The following SARAF variants were observed in gnomAD, a reference collection of about 807,000 sequenced individuals.
SARAF encodes the protein store-operated calcium entry-associated regulatory factor.
Under a neutral mutation model 39.7 loss-of-function variants are expected in SARAF, and 23 were observed. The observed-to-expected ratio is 0.58, with a 90% CI of 0.42 to 0.82. The LOEUF (loss-of-function observed/expected upper bound fraction) is 0.82, where lower values mean the gene tolerates loss of function less well. SARAF is among the 40% of genes least tolerant of loss of function. SARAF has a pLI of 0.00. For missense variants in SARAF, 384 were observed against 418.5 expected, an observed-to-expected ratio of 0.92 and a Z score of 0.72; for synonymous variants, 175 against 168.5, an observed-to-expected ratio of 1.04 and a Z score of -0.30.
At chr8:30,077,237 C>T (rs969563009) in intron 1 of SARAF, among the ~76,000 whole-genome samples, 2 of 152,038 alleles carry the variant, frequency 1.3e-5, no homozygotes, top group African/African-American at 4.8e-5. Flanking sequence ...AAGCAGATCA[C>T]TTGAGCCCAA....
chr8:30,074,829 A>ACAC (rs1801922225), intron 1 of SARAF, among the ~76,000 whole-genome samples: 1 of 152,124 alleles, frequency 6.6e-6, no homozygotes. Flanking sequence ...CTGGGTGATG[A>ACAC]CTATGTGTAG....
chr8:30,075,913 T>A (rs559993962), intron 1 of SARAF, among the ~76,000 whole-genome samples: 10 of 135,984 alleles, frequency 7.4e-5, no homozygotes, highest in African/African-American at 2.5e-4. Context: ...TAGACCTAAG[T>A]GAAAGACAAA....
rs1801917202 is a variant in SARAF at position 30,074,612 on chromosome 8, C to A, written c.104-557G>T. Among the ~76,000 whole-genome samples, 5 of 152,012 alleles carry A rather than the reference C, an allele frequency of 3.3e-5. No individual in the cohort carries two copies. The South Asian group carries it at 1.0e-3, about 31-fold the overall frequency. On this transcript the variant is annotated intron_variant, in intron 1 of 5. Coordinates refer to ENST00000256255, the MANE Select transcript of SARAF (RefSeq NM_016127.6). Reference sequence around the variant, plus strand: ...GCTTTACATAAACCTTTAAAAAAGGCAAAACAGTACTACATACTGTTAATG... The same window carrying A: ...GCTTTACATAAACCTTTAAAAAAGGAAAAACAGTACTACATACTGTTAATG...
At chr8:30,076,189 G>C (rs1801962535) in intron 1 of SARAF, among the ~76,000 whole-genome samples, 1 of 152,008 alleles carries the variant, frequency 6.6e-6, no homozygotes, top group South Asian at 2.1e-4. Context: ...AAACTGAAGG[G>C]ATTTGCATTG....
chr8:30,069,597 A>T, intron 3 of SARAF, 45 bp downstream of exon 3: 1 of 1,528,318 alleles, frequency 6.5e-7, no homozygotes. Flanking sequence ...AGGATGCACT[A>T]ACCTCACACC....
chr8:30,071,119 T>C (rs1801831227), intron 2 of SARAF, among the ~76,000 whole-genome samples: 1 of 152,300 alleles, frequency 6.6e-6, no homozygotes, highest in Admixed American at 6.5e-5. Flanking sequence ...GGTGGGCGGA[T>C]CACCTGAGGT....
In SARAF at chr8:30,066,110, TACC is replaced by T. The variant is rs777685507; in HGVS notation, c.869_871del (p.Trp290del). On this transcript the variant is annotated inframe_deletion, in exon 5 of 6. Transcript: ENST00000256255. ...GTAGGAGGGAGGATAGGACGGGTAG[TACC>T]ACGAGTCTGAGAAGGGTGTTGCCGC... is the stretch of plus-strand genomic sequence containing the variant. 3.5e-5 allele frequency: 57 copies of T among 1,614,024 alleles called. No individual in the cohort carries two copies. The highest frequency in any genetic ancestry group is 4.7e-5 in the Non-Finnish European group (55 of 1,180,018).
intron 1 of SARAF, among the ~76,000 whole-genome samples, chr8:30,075,611 C>T (rs117103434): frequency 0.013 from 2,028 of 152,252 alleles, 48 homozygotes; most frequent in East Asian, 0.074. Flanking sequence ...CATGAGTTTT[C>T]AAACTGATAG....
intron 3 of SARAF, among the ~76,000 whole-genome samples, chr8:30,068,983 G>A (rs916614045): frequency 6.6e-6 from 1 of 151,476 alleles, no homozygotes; most frequent in Non-Finnish European, 1.5e-5. Flanking sequence ...GTTTTATTCT[G>A]GAAACTTAAT....
At chr8:30,079,137 G>C (rs542245193) in intron 1 of SARAF, among the ~76,000 whole-genome samples, 1 of 123,508 alleles carries the variant, frequency 8.1e-6, no homozygotes, top group Non-Finnish European at 1.6e-5. Context: ...CAGCCTGGGC[G>C]ACAAGAGTGA....
intron 1 of SARAF, among the ~76,000 whole-genome samples, chr8:30,077,124 G>A (rs1429991767): frequency 6.6e-6 from 1 of 152,156 alleles, no homozygotes; most frequent in Non-Finnish European, 1.5e-5. Flanking sequence ...GAAAAAACAA[G>A]AGCTTTTGGA....
In SARAF at chr8:30,069,985, G is replaced by A. The variant is rs11538823; in HGVS notation, c.357C>T (p.Ser119=). The part of the protein sequence containing the change: ...KTVVSCEGYE[S]SEDQYVLRGS... ...CTCTTAGTACATACTGGTCTTCAGA[G>A]GACTCATAGCCTTCACAGCTCACCA... The change falls in exon 3 of 6, where the codon TCC becomes TCT. Residue 119 remains serine (S), a synonymous_variant. Transcript: ENST00000256255. The A allele has an allele frequency of 9.3e-6, 15 of 1,613,978 alleles. No individual in the cohort carries two copies. The highest frequency in any genetic ancestry group is 1.3e-5 in the Non-Finnish European group (15 of 1,180,032).
At chr8:30,065,099 C>A (rs1020378770) in intron 5 of SARAF, among the ~76,000 whole-genome samples, 1 of 152,178 alleles carries the variant, frequency 6.6e-6, no homozygotes, top group Non-Finnish European at 1.5e-5. Context: ...CAGTAACCCA[C>A]TGCAATACAG....
chr8:30,069,445 G>C (rs1801777483), intron 3 of SARAF, among the ~76,000 whole-genome samples, 197 bp downstream of exon 3: 1 of 151,972 alleles, frequency 6.6e-6, no homozygotes, highest in Admixed American at 6.6e-5. Context: ...CGGCCAATCA[G>C]GCATTAACAT....
chr8:30,079,520 A>G lies in SARAF; in HGVS notation c.103+3327T>C, dbSNP rs533369342. Among the ~76,000 whole-genome samples, 45 of 152,358 alleles carry G rather than the reference A, an allele frequency of 3.0e-4. No homozygotes were observed. In the South Asian group the frequency reaches 9.3e-3, roughly 32 times the overall value. On this transcript the variant is annotated intron_variant, in intron 1 of 5. Coordinates refer to ENST00000256255, the MANE Select transcript of SARAF (RefSeq NM_016127.6). The stretch of plus-strand genomic sequence containing the variant: ...ACAATGAAAATGTTCAATGGTTTAG[A>G]AAAATCAGACTGTATTAATCAACTA...
At position 30,070,043 on chromosome 8, in the gene SARAF, T is replaced by C. The variant is rs1350413185; in HGVS notation, c.299A>G (p.Asp100Gly). 2 of 1,608,018 alleles carry C rather than the reference T, an allele frequency of 1.2e-6. No homozygotes were observed. The highest frequency in any genetic ancestry group is 1.7e-5 in the Admixed American group (1 of 58,736). The change falls in exon 3 of 6, where the codon GAC (aspartate) becomes GGC (glycine). Residue 100 changes from aspartate (D) to glycine (G), a missense_variant. Asp to Gly is a moderately conservative substitution (Grantham distance 94, BLOSUM62 -1). Transcript: ENST00000256255. ...GYDVQWECKT[D>G]LDIAYKFGKT... is the part of the protein sequence containing the mutation. The stretch of plus-strand genomic sequence containing the variant: ...TCCAAATTTGTATGCAATATCTAAG[T>C]CCGTCTTACATTCCCACTGTGAAGA...
rs1802132494 is a variant in SARAF, at chr8:30,082,637, C to T, written c.103+210G>A. On this transcript the variant is annotated intron_variant, in intron 1 of 5. Coordinates refer to ENST00000256255, the MANE Select transcript of SARAF (RefSeq NM_016127.6). ...TTAAGGATCTCCAGCCGTCCCGCCC[C>T]GCCCACTCGAGCAGTCCCTACCCGC... 2.8e-5 allele frequency: 13 copies of T among 464,410 alleles called. No individual in the cohort carries two copies. In the South Asian group the frequency reaches 4.6e-4, roughly 16 times the overall value. The allele number at this position is 464,410 out of a possible 1,614,324, so 28.8% of individuals were successfully genotyped here. A position where few individuals can be genotyped will look rare whatever the true frequency, so the allele number is the denominator to read the frequency against.
At position 30,063,684 on chromosome 8, in the gene SARAF, T is replaced by A. The variant is rs532543713; in HGVS notation, c.*204A>T. On this transcript the variant is annotated 3_prime_UTR_variant, in exon 6 of 6. Coordinates refer to ENST00000256255, the MANE Select transcript of SARAF (RefSeq NM_016127.6). Reference sequence around the variant, plus strand: ...TGCAATATACATCTGCATGTTACACTGACATACAACACATAAGTATTTTGT... The same window carrying A: ...TGCAATATACATCTGCATGTTACACAGACATACAACACATAAGTATTTTGT... The A allele has an allele frequency of 2.4e-5, 14 of 591,334 alleles. No homozygotes were observed. Among genetic ancestry groups the A allele is most frequent in the Non-Finnish European group, 4.2e-5 (14 of 333,274 alleles). The allele number at this position is 591,334 out of a possible 1,614,324, so 36.6% of individuals were successfully genotyped here.
At chr8:30,070,143 C>G (rs555842027) in intron 2 of SARAF, 84 bp from the exon 3 acceptor site, 2 of 1,247,630 alleles carry the variant, frequency 1.6e-6, no homozygotes, top group African/African-American at 3.0e-5. Flanking sequence ...GGCGCAGTGG[C>G]TCACACCTGT....
Sources: gnomAD v4.1 joint callset for allele counts (sites outside exome capture counted in the v4.1 genomes callset) on GRCh38, gnomAD v4.1.1 for gene constraint, MANE v1.5 for transcripts, NCBI Gene and HGNC (gene_info 2026-07-23, HGNC 2026-07-21) for gene names.